Variants in ZDHHC21 observed in about 807,000 individuals in gnomAD.
ZDHHC21 encodes palmitoyltransferase ZDHHC21.
In ZDHHC21, 15 loss-of-function variants were observed where a neutral mutation model predicts 34.6. The ratio of observed to expected loss-of-function variants is 0.43; its 90% CI spans 0.29 to 0.67. ZDHHC21 has a LOEUF of 0.67. Ranked by LOEUF, ZDHHC21 falls within the 30% of genes least tolerant of loss-of-function variation. ZDHHC21 has a pLI of 0.14. For missense variants in ZDHHC21, 344 were observed against 327.7 expected, an observed-to-expected ratio of 1.05 and a Z score of -0.38; for synonymous variants, 142 against 101.8, an observed-to-expected ratio of 1.40 and a Z score of -2.38.
At chr9:14,659,867 T>C (rs1415596928) in intron 6 of ZDHHC21, among the ~76,000 whole-genome samples, 1 of 152,156 alleles carries the variant, frequency 6.6e-6, no homozygotes, top group Non-Finnish European at 1.5e-5. Flanking sequence ...AAGAGAAGTG[T>C]GCTTATGTAT....
At chr9:14,691,575 T>A (rs1438884116) in intron 1 of ZDHHC21, among the ~76,000 whole-genome samples, 1 of 152,230 alleles carries the variant, frequency 6.6e-6, no homozygotes, top group Non-Finnish European at 1.5e-5. Flanking sequence ...TCTGCATTTT[T>A]AAATGCTTAG....
chr9:14,620,705 C>T (rs1051693568), intron 8 of ZDHHC21, among the ~76,000 whole-genome samples: 4 of 151,954 alleles, frequency 2.6e-5, no homozygotes, highest in African/African-American at 7.2e-5. Context: ...GTTAATAGCT[C>T]ATAATATTAA....
chr9:14,632,080 C>T (rs1827458289), intron 8 of ZDHHC21, among the ~76,000 whole-genome samples: 1 of 151,900 alleles, frequency 6.6e-6, no homozygotes, highest in Non-Finnish European at 1.5e-5. Context: ...CACACACACA[C>T]ACACACACAC....
chr9:14,594,648 C>A, the ZDHHC21 span, among the ~76,000 whole-genome samples: 2 of 152,056 alleles, frequency 1.3e-5, no homozygotes, highest in African/African-American at 4.8e-5. Flanking sequence ...TAAGCAAAGA[C>A]CTCTTAGATA....
intron 3 of ZDHHC21, among the ~76,000 whole-genome samples, chr9:14,677,772 A>G (rs959663573): frequency 1.3e-5 from 2 of 152,116 alleles, no homozygotes; most frequent in Non-Finnish European, 2.9e-5. Flanking sequence ...GACTGAGTAA[A>G]TATTTATAAT....
intron 7 of ZDHHC21, among the ~76,000 whole-genome samples, chr9:14,640,307 G>GAAAA (rs371542807): frequency 2.4e-5 from 3 of 125,688 alleles, no homozygotes; most frequent in African/African-American, 2.9e-5. Flanking sequence ...CCTATTTTGG[G>GAAAA]GAAAAAAAAA....
At chr9:14,685,826 T>A (rs1055245430) in intron 2 of ZDHHC21, among the ~76,000 whole-genome samples, 1 of 152,166 alleles carries the variant, frequency 6.6e-6, no homozygotes. Context: ...AATGATAGAC[T>A]GGATTAAGAA....
At chr9:14,605,619 C>T in the ZDHHC21 span, among the ~76,000 whole-genome samples, 1 of 151,964 alleles carries the variant, frequency 6.6e-6, no homozygotes, top group Non-Finnish European at 1.5e-5. Flanking sequence ...TTGAAAATAC[C>T]TTCTCCCATT....
At chr9:14,683,592 A>G (rs950821994) in intron 2 of ZDHHC21, 3 of 152,192 alleles carry the variant, frequency 2.0e-5, no homozygotes, top group South Asian at 2.1e-4. Context: ...CCAGGACCAG[A>G]TGCATTCACA....
Position 14,681,304 on chromosome 9 carries a change from T to C in ZDHHC21, c.-175-1142A>G, listed in dbSNP as rs901201334. On this transcript the variant is annotated intron_variant, in intron 2 of 9. Coordinates refer to ENST00000380916, the MANE Select transcript of ZDHHC21 (RefSeq NM_178566.6). Reference sequence around the variant, plus strand: ...CAGTGGCTATTCCCAGGTGCGATCCTAGCACACTGGGCTCAAGCAATCCTC... The same window carrying C: ...CAGTGGCTATTCCCAGGTGCGATCCCAGCACACTGGGCTCAAGCAATCCTC... Among the ~76,000 whole-genome samples, 5 of 152,294 alleles carry C rather than the reference T, an allele frequency of 3.3e-5. No homozygotes were observed. In the Middle Eastern group the frequency reaches 0.014, roughly 414 times the overall value.
the ZDHHC21 span, among the ~76,000 whole-genome samples, chr9:14,599,223 T>C: frequency 1.3e-5 from 2 of 152,160 alleles, no homozygotes; most frequent in African/African-American, 4.8e-5. Context: ...GGCGGGTAAT[T>C]TCTGCATTTC....
chr9:14,591,992 C>G, the ZDHHC21 span, among the ~76,000 whole-genome samples: 1 of 151,982 alleles, frequency 6.6e-6, no homozygotes, highest in Non-Finnish European at 1.5e-5. Context: ...GCTTTTTATA[C>G]AGTCTGAAAA....
At chr9:14,682,894 C>T (rs546955181) in intron 2 of ZDHHC21, among the ~76,000 whole-genome samples, 9 of 152,196 alleles carry the variant, frequency 5.9e-5, no homozygotes, top group Admixed American at 3.3e-4. Context: ...CACTCAAAAC[C>T]GAACAACTAC....
At chr9:14,657,836 A>G (rs1417725455) in intron 7 of ZDHHC21, among the ~76,000 whole-genome samples, 1 of 152,134 alleles carries the variant, frequency 6.6e-6, no homozygotes, top group African/African-American at 2.4e-5. Context: ...GAGGAATTTT[A>G]TTTTAATGCT....
the ZDHHC21 span, among the ~76,000 whole-genome samples, chr9:14,605,500 T>A: frequency 6.6e-6 from 1 of 152,210 alleles, no homozygotes; most frequent in Non-Finnish European, 1.5e-5. Context: ...GAAATATCTA[T>A]TAAAGTCCTT....
At chr9:14,644,210 T>C (rs896131991) in intron 7 of ZDHHC21, among the ~76,000 whole-genome samples, 3 of 152,196 alleles carry the variant, frequency 2.0e-5, no homozygotes, top group African/African-American at 7.2e-5. Flanking sequence ...CATATAAAAA[T>C]AGATTTTTAA....
intron 7 of ZDHHC21, among the ~76,000 whole-genome samples, chr9:14,656,197 T>C (rs944105293): frequency 2.0e-5 from 3 of 151,928 alleles, no homozygotes; most frequent in African/African-American, 7.2e-5. Context: ...TGAACATTCA[T>C]TTGCTTCAGA....
At chr9:14,623,013 C>G (rs1171000704) in intron 8 of ZDHHC21, among the ~76,000 whole-genome samples, 2 of 152,050 alleles carry the variant, frequency 1.3e-5, no homozygotes, top group Non-Finnish European at 2.9e-5. Context: ...GTTCTATACA[C>G]ACAATCTACT....
chr9:14,630,821 C>CT lies in ZDHHC21; in HGVS notation c.621+9074dup, dbSNP rs531211506. ...ATGAGCAGTAATATTACGAAAGGAACTTTTTTTCCTGAGCAGTAGTTCTCA... is the reference window on the plus strand; with the variant it reads ...ATGAGCAGTAATATTACGAAAGGAACTTTTTTTTCCTGAGCAGTAGTTCTCA... On this transcript the variant is annotated intron_variant, in intron 8 of 9. Coordinates refer to ENST00000380916, the MANE Select transcript of ZDHHC21 (RefSeq NM_178566.6). Among the ~76,000 whole-genome samples the CT allele has an allele frequency of 4.1e-4, 62 of 152,308 alleles. 1 individual carries two copies. Among genetic ancestry groups the CT allele is most frequent in the Non-Finnish European group, 7.5e-4 (51 of 68,024 alleles).
Sources: allele counts gnomAD v4.1 joint callset (sites outside exome capture counted in the v4.1 genomes callset), GRCh38; gene constraint gnomAD v4.1.1; transcripts MANE v1.5; gene names NCBI Gene and HGNC (gene_info 2026-07-23, HGNC 2026-07-21).